Variants in MAP4 observed in about 807,000 individuals in gnomAD.
The protein encoded by MAP4 is microtubule associated protein 4.
A neutral mutation model predicts 170.2 loss-of-function variants in MAP4; 76 were observed. The ratio of observed to expected loss-of-function variants is 0.45; its 90% CI spans 0.37 to 0.54. MAP4 has a LOEUF of 0.54. Ranked by LOEUF, MAP4 falls within the 20% of genes least tolerant of loss-of-function variation. MAP4 has a pLI of 0.00. For synonymous variants in MAP4, 909 were observed against 994.5 expected (o/e 0.91, Z 1.62); for missense variants, 2,506 against 2,748.0 (o/e 0.91, Z 1.97).
intron 10 of MAP4, among the ~76,000 whole-genome samples, chr3:47,885,367 CATCAATCA>C (rs71070239): frequency 1.9e-4 from 28 of 150,442 alleles, no homozygotes; most frequent in South Asian, 4.3e-4. Flanking sequence ...CCATCTCTAC[CATCAATCA>C]ATCAATCAAT....
intron 2 of MAP4, among the ~76,000 whole-genome samples, chr3:47,992,382 G>GA (rs1490728247): frequency 6.6e-6 from 1 of 151,954 alleles, no homozygotes; most frequent in African/African-American, 2.4e-5. Context: ...AGCTGGTATG[G>GA]AAAAAATGTA....
At chr3:48,056,791 T>G (rs1465451403) in intron 1 of MAP4, among the ~76,000 whole-genome samples, 3 of 35,574 alleles carry the variant, frequency 8.4e-5, no homozygotes, top group Non-Finnish European at 1.5e-4. Context: ...GGGAGGGAGG[T>G]GGGGGGGTCA....
intron 1 of MAP4, among the ~76,000 whole-genome samples, chr3:48,028,294 G>C (rs936582931): frequency 2.6e-5 from 4 of 151,918 alleles, no homozygotes; most frequent in Non-Finnish European, 2.9e-5. Context: ...ACCATCTCTG[G>C]GGGGGGAGGG....
intron 2 of MAP4, chr3:47,987,483 C>G: frequency 8.0e-7 from 1 of 1,248,882 alleles, no homozygotes; most frequent in Non-Finnish European, 1.1e-6. Flanking sequence ...AAAGTTACAT[C>G]TAAATCCAAT....
At position 48,059,579 on chromosome 3, in the gene MAP4, C is replaced by G. The variant is rs2100134077; in HGVS notation, c.-20+29194G>C. Among the ~76,000 whole-genome samples, 2 of 150,348 alleles carry G rather than the reference C, an allele frequency of 1.3e-5. 1 individual carries two copies. The highest frequency in any genetic ancestry group is 4.2e-4 in the South Asian group (2 of 4,780). ...TAGCAACATTACAATAATGGCAAGC[C>G]ATACTTATTTTGATCCTTTATGGTC... On this transcript the variant is annotated intron_variant, in intron 1 of 18. Transcript: ENST00000360240.
rs146258294 is a variant in MAP4 at position 48,052,551 on chromosome 3, G to T, written c.-20+36222C>A. 2.0e-5 allele frequency among the ~76,000 whole-genome samples: 3 copies of T among 152,268 alleles called. No homozygotes were observed. The East Asian group carries it at 5.8e-4, about 29-fold the overall frequency. On this transcript the variant is annotated intron_variant, in intron 1 of 18. Coordinates refer to the MAP4 transcript ENST00000360240. ...TAATGAAAATGTTCTAAAACTGATT[G>T]TGGTAATGGATGCACAACTGTGAAA...
intron 10 of MAP4, among the ~76,000 whole-genome samples, chr3:47,896,516 C>T (rs992055167): frequency 6.6e-6 from 1 of 151,882 alleles, no homozygotes; most frequent in Non-Finnish European, 1.5e-5. Context: ...GCAACAAGAG[C>T]GAAACTCCAT....
chr3:47,877,491 C>A lies in MAP4; in HGVS notation c.5467G>T (p.Val1823Leu), dbSNP rs1327141196. Reference protein sequence around the residue: ...IARPEEGRPVVSGTGNDITTP... With the variant: ...IARPEEGRPVLSGTGNDITTP... ...GTGATGTCATTTCCTGTCCCACTCACCACAGGCCTTCCTTCTTCTGGCCTG... is the reference window on the plus strand; with the variant it reads ...GTGATGTCATTTCCTGTCCCACTCAACACAGGCCTTCCTTCTTCTGGCCTG... Residue 1823 changes from valine to leucine, a missense_variant, in exon 11 of 21, where the codon GTG becomes TTG. Physicochemically the swap from Val to Leu is conservative, Grantham distance 32. Transcript: ENST00000683076. 1 of 1,613,952 alleles carries A rather than the reference C, an allele frequency of 6.2e-7. No individual in the cohort carries two copies. The highest frequency in any genetic ancestry group is 1.7e-5 in the Admixed American group (1 of 60,004).
chr3:48,070,907 C>T (rs1335269970), intron 1 of MAP4, among the ~76,000 whole-genome samples: 1 of 151,110 alleles, frequency 6.6e-6, no homozygotes, highest in Non-Finnish European at 1.5e-5. Context: ...CGCCTGTAGT[C>T]CTATCAACTT....
At chr3:48,052,566 C>T (rs2100128517) in intron 1 of MAP4, among the ~76,000 whole-genome samples, 1 of 152,114 alleles carries the variant, frequency 6.6e-6, no homozygotes, top group Non-Finnish European at 1.5e-5. Flanking sequence ...AATGGATGCA[C>T]AACTGTGAAA....
intron 13 of MAP4, 95 bp downstream of exon 13, chr3:47,871,822 G>T: frequency 8.0e-7 from 1 of 1,243,626 alleles, no homozygotes; most frequent in Non-Finnish European, 1.1e-6. Flanking sequence ...GGCCTGCACA[G>T]CTGTTTGTGA....
At chr3:47,928,819 C>A (rs2100047665) in intron 3 of MAP4, among the ~76,000 whole-genome samples, 1 of 147,508 alleles carries the variant, frequency 6.8e-6, no homozygotes. Flanking sequence ...TTTCAGGGAG[C>A]TGGAATTAAA....
At chr3:48,061,569 T>C (rs887561437) in intron 1 of MAP4, among the ~76,000 whole-genome samples, 19 of 152,318 alleles carry the variant, frequency 1.2e-4, no homozygotes, top group Middle Eastern at 3.4e-3. Flanking sequence ...CCGCCTGCCT[T>C]GGCCTCCCAA....
chr3:47,950,298 C>T (rs2100062874), intron 3 of MAP4, among the ~76,000 whole-genome samples: 1 of 152,116 alleles, frequency 6.6e-6, no homozygotes, highest in African/African-American at 2.4e-5. Context: ...CAGACTGAAC[C>T]CTGATCCAGA....
At position 47,906,683 on chromosome 3, in the gene MAP4, C is replaced by CA. The variant is rs879554419; in HGVS notation, c.5383+2354dup. Among the ~76,000 whole-genome samples, 323 of 85,516 alleles carry CA rather than the reference C, an allele frequency of 3.8e-3. 1 individual carries two copies. Among genetic ancestry groups the CA allele is most frequent in the African/African-American group, 9.2e-3 (204 of 22,170 alleles). The allele number at this position is 85,516 out of a possible 152,430, so 56.1% of individuals were successfully genotyped here. A position where few individuals can be genotyped will look rare whatever the true frequency, so the allele number is the denominator to read the frequency against. On this transcript the variant is annotated intron_variant, in intron 9 of 20. Transcript: ENST00000683076. Reference sequence around the variant, plus strand: ...GGGCAATGAGAGCAAAACTCTGTCTCAAAAAAAAAAAAAGTACTATAATAC... The same window carrying CA: ...GGGCAATGAGAGCAAAACTCTGTCTCAAAAAAAAAAAAAAGTACTATAATAC...
At chr3:48,009,254 C>A (rs543234713) in intron 1 of MAP4, among the ~76,000 whole-genome samples, 1 of 152,114 alleles carries the variant, frequency 6.6e-6, no homozygotes, top group Admixed American at 6.5e-5. Flanking sequence ...GCACCCGCCA[C>A]CACACCCAGC....
intron 3 of MAP4, among the ~76,000 whole-genome samples, chr3:47,952,125 T>G (rs1358625223): frequency 3.5e-5 from 5 of 143,742 alleles, no homozygotes; most frequent in Non-Finnish European, 7.5e-5. Context: ...AGCTGCCCCG[T>G]CTGAGAAGTG....
intron 7 of MAP4, 43 bp downstream of exon 7, chr3:47,915,908 A>G: frequency 6.4e-7 from 1 of 1,562,904 alleles, no homozygotes; most frequent in African/African-American, 1.4e-5. Context: ...TCGAGACTAC[A>G]ACCTGGTAGA....
At chr3:47,891,599 C>T (rs866893857) in intron 10 of MAP4, 35 of 1,535,358 alleles carry the variant, frequency 2.3e-5, no homozygotes, top group Non-Finnish European at 2.5e-5. Flanking sequence ...CAGGGCCCTG[C>T]GCACTGCCTT....
Sources: gnomAD v4.1 joint callset for allele counts (sites outside exome capture counted in the v4.1 genomes callset) on GRCh38, gnomAD v4.1.1 for gene constraint, MANE v1.5 for transcripts, NCBI Gene and HGNC (gene_info 2026-07-23, HGNC 2026-07-21) for gene names.